ZNF423: variants seen among roughly 807,000 people sequenced by gnomAD.
ZNF423 encodes Ebf-associated zinc finger protein.
In ZNF423, 12 loss-of-function variants were observed where a neutral mutation model predicts 95.8. The ratio of observed to expected loss-of-function variants is 0.13; its 90% confidence interval spans 0.08 to 0.20. ZNF423 has a LOEUF of 0.20. ZNF423 is among the 10% of genes least tolerant of loss of function. ZNF423 has a pLI of 1.00. For synonymous variants in ZNF423, 749 were observed against 711.9 expected (o/e 1.05, Z -0.83); for missense variants, 1,316 against 1,737.1 (o/e 0.76, Z 4.31).
intron 1 of ZNF423, among the ~76,000 whole-genome samples, chr16:49,811,042 G>C (rs1221545950): frequency 6.6e-6 from 1 of 152,174 alleles, no homozygotes; most frequent in Admixed American, 6.5e-5. Context: ...GGCTCAGGGG[G>C]CCCTCAGAGC....
chr16:49,597,182 G>A (rs1041137378), intron 5 of ZNF423, among the ~76,000 whole-genome samples: 1 of 152,064 alleles, frequency 6.6e-6, no homozygotes, highest in African/African-American at 2.4e-5. Flanking sequence ...TGTTCCCCAA[G>A]AGCCTGCTCC....
intron 2 of ZNF423, among the ~76,000 whole-genome samples, chr16:49,749,105 C>G (rs989855448): frequency 5.3e-5 from 8 of 152,292 alleles, no homozygotes; most frequent in African/African-American, 1.9e-4. Flanking sequence ...AACCTCCTCT[C>G]AAGCCAAGGC....
intron 3 of ZNF423, among the ~76,000 whole-genome samples, chr16:49,685,599 G>A (rs2031533629): frequency 6.6e-6 from 1 of 152,146 alleles, no homozygotes; most frequent in Non-Finnish European, 1.5e-5. Flanking sequence ...GGAAACCAGG[G>A]ATCCTCCTGG....
intron 5 of ZNF423, among the ~76,000 whole-genome samples, chr16:49,530,224 C>T (rs1343690518): frequency 3.9e-5 from 6 of 152,112 alleles, no homozygotes; most frequent in African/African-American, 1.4e-4. Flanking sequence ...GACATCTGCC[C>T]TTGCTGAGAC....
chr16:49,738,446 T>C (rs967399522), intron 2 of ZNF423, among the ~76,000 whole-genome samples: 6 of 152,180 alleles, frequency 3.9e-5, no homozygotes, highest in African/African-American at 1.4e-4. Context: ...CCTGAGCCTC[T>C]GATTCCTCAT....
intron 1 of ZNF423, among the ~76,000 whole-genome samples, chr16:49,839,392 G>A (rs2144087597): frequency 6.6e-6 from 1 of 152,220 alleles, no homozygotes; most frequent in South Asian, 2.1e-4. Context: ...GGCCCCATGT[G>A]CCCATCTGTC....
chr16:49,812,175 T>A (rs2034764178), intron 1 of ZNF423, among the ~76,000 whole-genome samples: 1 of 152,222 alleles, frequency 6.6e-6, no homozygotes, highest in Non-Finnish European at 1.5e-5. Context: ...TCAGAGAGGT[T>A]AAGACACTTG....
intron 5 of ZNF423, among the ~76,000 whole-genome samples, chr16:49,539,139 A>G (rs1969160121): frequency 6.6e-6 from 1 of 152,020 alleles, no homozygotes; most frequent in African/African-American, 2.4e-5. Flanking sequence ...CCCCTGATGG[A>G]TAGAGTCCTG....
chr16:49,635,860 G>A lies in ZNF423; in HGVS notation c.3316C>T (p.Arg1106Cys), dbSNP rs202013818. 101 of 1,592,262 alleles carry A rather than the reference G, an allele frequency of 6.3e-5. No individual in the cohort carries two copies. The East Asian group carries it at 1.2e-3, about 18-fold the overall frequency. ...PYGLCAGCMARSANGQVGGLA... is the reference protein window; with the variant it reads ...PYGLCAGCMACSANGQVGGLA... ...CCACCCACCTGTCCGTTGGCGCTGC[G>A]GGCCATGCAGCCGGCGCAGAGGCCG... is the stretch of plus-strand genomic sequence containing the variant. Residue 1106 changes from arginine (R) to cysteine (C), a missense_variant, in exon 4 of 8, where the codon CGC becomes TGC. This residue lies in a region of ZNF423 where 620 missense variants were observed against 775.6 expected (regional missense o/e 0.80). Coordinates refer to ENST00000563137, the MANE Select transcript of ZNF423 (RefSeq NM_001379286.1). The surrounding 1 kb of genome is among the most constrained non-coding windows in gnomAD (Gnocchi z 4.8).
intron 3 of ZNF423, among the ~76,000 whole-genome samples, chr16:49,639,609 C>T (rs1231711541): frequency 6.6e-6 from 1 of 152,146 alleles, no homozygotes; most frequent in African/African-American, 2.4e-5. Context: ...CCCACTGCAC[C>T]CCTGGATTTG....
intron 1 of ZNF423, among the ~76,000 whole-genome samples, chr16:49,794,193 G>A (rs1054224390): frequency 6.6e-5 from 10 of 151,658 alleles, no homozygotes; most frequent in Non-Finnish European, 1.3e-4. Flanking sequence ...ATGCCACCAC[G>A]CCCGGTGGAT....
intron 3 of ZNF423, among the ~76,000 whole-genome samples, chr16:49,646,756 T>A (rs1172328479): frequency 6.6e-6 from 1 of 151,920 alleles, no homozygotes; most frequent in East Asian, 1.9e-4. Context: ...GTATTTTTAG[T>A]AGAGACAAGG....
At chr16:49,783,968 C>CA (rs57994963) in intron 2 of ZNF423, among the ~76,000 whole-genome samples, 9,359 of 87,474 alleles carry the variant, frequency 0.11, 349 homozygotes, top group Middle Eastern at 0.19. Context: ...GACTCCAACT[C>CA]AAAAAAAAAA....
chr16:49,508,837 T>C (rs1567431700), intron 7 of ZNF423, among the ~76,000 whole-genome samples: 1 of 152,178 alleles, frequency 6.6e-6, no homozygotes, highest in South Asian at 2.1e-4. Context: ...CGCTGTATTT[T>C]ATTTACCCTA....
chr16:49,788,277 G>A (rs369160901), intron 2 of ZNF423, among the ~76,000 whole-genome samples: 14 of 152,238 alleles, frequency 9.2e-5, no homozygotes, highest in African/African-American at 2.7e-4. Context: ...GAAAGGACAC[G>A]GAACCAGGGG....
chr16:49,516,138 G>A (rs1968132830), intron 7 of ZNF423, among the ~76,000 whole-genome samples: 1 of 152,206 alleles, frequency 6.6e-6, no homozygotes, highest in African/African-American at 2.4e-5. Flanking sequence ...GGGACCCGAA[G>A]CCCCGGCCCT....
At chr16:49,615,685 C>G (rs1971852710) in intron 5 of ZNF423, among the ~76,000 whole-genome samples, 1 of 152,118 alleles carries the variant, frequency 6.6e-6, no homozygotes, top group Non-Finnish European at 1.5e-5. Flanking sequence ...GTCTCGGTAA[C>G]AGGGGGCCTG....
rs371313827 is a variant in ZNF423 at position 49,636,057 on chromosome 16, G to A, written c.3119C>T (p.Thr1040Met). The A allele has an allele frequency of 1.2e-5, 19 of 1,613,644 alleles. No individual in the cohort carries two copies. The highest frequency in any genetic ancestry group is 2.2e-5 in the South Asian group (2 of 91,064). Residue 1040 changes from threonine (T) to methionine (M), a missense_variant, in exon 4 of 8, where the codon ACG becomes ATG. Around this residue, in one of 6 missense-constraint regions of ZNF423, gnomAD observed 620 missense variants for 775.6 expected, o/e 0.80. Transcript: ENST00000563137. The surrounding 1 kb of genome is among the most constrained non-coding windows in gnomAD (Gnocchi z 8.6). ...CVVCMQTVTS[T>M]LELKIHGTFH... is the part of the protein sequence containing the mutation. ...GGTGCCATGGATCTTGAGCTCAAGC[G>A]TGGAAGTGACTGTCTGCATGCAGAC... is the stretch of plus-strand genomic sequence containing the variant.
chr16:49,839,384 C>A (rs1220385770), intron 1 of ZNF423, among the ~76,000 whole-genome samples: 1 of 152,132 alleles, frequency 6.6e-6, no homozygotes, highest in South Asian at 2.1e-4. Context: ...AGCCTCCTGG[C>A]CCCATGTGCC....
Sources: gnomAD v4.1 joint callset for allele counts (sites outside exome capture counted in the v4.1 genomes callset) on GRCh38, gnomAD v4.1.1 for gene constraint, gnomAD v4.1.1 regional missense constraint, Gnocchi (gnomAD v3.1) non-coding constraint, MANE v1.5 for transcripts, NCBI Gene and HGNC (gene_info 2026-07-23, HGNC 2026-07-21) for gene names.